Variants in METTL17 observed in about 807,000 individuals in gnomAD.
METTL17 encodes the protein methyltransferase like 17.
Under a neutral mutation model 59.4 loss-of-function variants are expected in METTL17, and 49 were observed. That is an observed-to-expected ratio of 0.82 (90% CI 0.66 to 1.05). The LOEUF (loss-of-function observed/expected upper bound fraction) is 1.05, where lower values mean the gene tolerates loss of function less well. METTL17 is among the 50% of genes least tolerant of loss of function. The pLI is 0.00. For missense variants in METTL17, 555 were observed against 578.4 expected (o/e 0.96, Z 0.41); for synonymous variants, 208 against 209.2 (o/e 0.99, Z 0.05).
At chr14:20,996,005 G>A (rs983277079) in intron 11 of METTL17, 54 bp downstream of exon 11, 70 of 1,584,778 alleles carry the variant, frequency 4.4e-5, no homozygotes, top group African/African-American at 1.9e-4. Flanking sequence ...AGGCGTGGCC[G>A]GGAAATGTAA....
Position 20,993,621 on chromosome 14 carries a change from CACG to C in METTL17, c.603-347_603-345del, listed in dbSNP as rs1449503919. 4.1e-5 allele frequency: 9 copies of C among 216,964 alleles called. No homozygotes were observed. In the East Asian group the frequency reaches 5.0e-4, roughly 12 times the overall value. 13.4% of individuals were successfully genotyped at this position (216,964 alleles called of 1,614,324 possible). A position where few individuals can be genotyped will look rare whatever the true frequency, so the allele number is the denominator to read the frequency against. On this transcript the variant is annotated intron_variant, in intron 6 of 13. Coordinates refer to ENST00000339374, the MANE Select transcript of METTL17 (RefSeq NM_022734.3). ...TCCCGAGTAGCTGGGACTACAGGTG[CACG>C]CCACCACACCCAGCTAATTTTTGTA...
rs777915495 is a variant in METTL17, at chr14:20,990,341, C to T, written c.187C>T (p.Leu63=). 3 of 1,614,240 alleles carry T rather than the reference C, an allele frequency of 1.9e-6. No individual in the cohort carries two copies. Among genetic ancestry groups the T allele is most frequent in the South Asian group, 2.2e-5 (2 of 91,090 alleles). The change falls in exon 2 of 14, where the codon CTG becomes TTG. Residue 63 remains leucine, a synonymous_variant. Coordinates refer to ENST00000339374, the MANE Select transcript of METTL17 (RefSeq NM_022734.3). The part of the protein sequence containing the change: ...PGILKLPHVR[L]PQALANGAQL... ...CATCCTAAAGCTGCCGCACGTGCGG[C>T]TGCCACAGGCACTGGCTAACGGTGC...
In METTL17 at chr14:20,996,797, T is replaced by C. The variant is rs1415900219; in HGVS notation, c.1278T>C (p.Arg426=). Residue 426 remains arginine (R), a synonymous_variant, in exon 14 of 14, where the codon CGT becomes CGC. Transcript: ENST00000339374. ...TARRHGRDLY[R]CARVSSWGDL... ...TCTGTTTCCACAGGGATTTGTATCG[T>C]TGTGCCCGTGTCAGCTCCTGGGGAG... 1 of 1,614,238 alleles carries C rather than the reference T, an allele frequency of 6.2e-7. No individual in the cohort carries two copies. The highest frequency in any genetic ancestry group is 1.7e-5 in the Admixed American group (1 of 60,032).
chr14:20,992,746 G>A (rs112574218), intron 5 of METTL17, 124 bp downstream of exon 5: 8 of 720,334 alleles, frequency 1.1e-5, no homozygotes, highest in Middle Eastern at 2.5e-4. Context: ...GAGGATCTCC[G>A]CTGGACATAG....
At chr14:20,996,129 T>C in intron 11 of METTL17, 80 bp from the exon 12 acceptor site, 1 of 1,403,186 alleles carries the variant, frequency 7.1e-7, no homozygotes, top group Non-Finnish European at 1.0e-6. Flanking sequence ...CCTGGCCCCT[T>C]TTGACTCTAT....
At position 20,990,054 on chromosome 14, in the gene METTL17, C is replaced by A; in HGVS notation, c.52C>A (p.Leu18Ile). ...LLTLGRWCPG[L>I]GVAPQARALA... is the part of the protein sequence containing the mutation. ...GACATTAGGAAGATGGTGCCCCGGC[C>A]TTGGAGTGGCTCCCCAGGCCCGGGT... Residue 18 changes from leucine (L) to isoleucine (I), a missense_variant, in exon 1 of 14, where the codon CTT (leucine) becomes ATT (isoleucine). Physicochemically the swap from Leu to Ile is conservative, Grantham distance 5. Coordinates refer to ENST00000339374, the MANE Select transcript of METTL17 (RefSeq NM_022734.3). 1 of 1,613,468 alleles carries A rather than the reference C, an allele frequency of 6.2e-7. No individual in the cohort carries two copies.
Position 20,994,052 on chromosome 14 carries a change from A to C in METTL17, c.686A>C (p.Lys229Thr), listed in dbSNP as rs1454605361. ...GCTGCCATGTTGGTTTTGGCAGAAAAACTACTGAAAGGTGAGTGCAAGAGC... is the reference window on the plus strand; with the variant it reads ...GCTGCCATGTTGGTTTTGGCAGAAACACTACTGAAAGGTGAGTGCAAGAGC... ...RSAAMLVLAEKLLKGGSESGE... is the reference protein window; with the variant it reads ...RSAAMLVLAETLLKGGSESGE... Residue 229 changes from lysine (K) to threonine (T), a missense_variant, in exon 7 of 14, where the codon AAA becomes ACA. Lys to Thr is a moderately conservative substitution (Grantham distance 78). Coordinates refer to ENST00000339374, the MANE Select transcript of METTL17 (RefSeq NM_022734.3). The C allele has an allele frequency of 2.0e-5, 33 of 1,613,608 alleles. No individual in the cohort carries two copies. Among genetic ancestry groups the C allele is most frequent in the Non-Finnish European group, 2.7e-5 (32 of 1,179,714 alleles).
chr14:20,991,315 A>G (rs1398223782), intron 3 of METTL17, among the ~76,000 whole-genome samples: 1 of 152,134 alleles, frequency 6.6e-6, no homozygotes, highest in Non-Finnish European at 1.5e-5. Context: ...GCTCCTTGAC[A>G]CTACCATTTA....
chr14:20,990,600 T>A lies in METTL17; in HGVS notation c.364+2T>A. ...AGAAAAAATTCCTGGAAAACCCAGGTAGGACTTAAGAATAATTAAAAAGTG... is the reference window on the plus strand; with the variant it reads ...AGAAAAAATTCCTGGAAAACCCAGGAAGGACTTAAGAATAATTAAAAAGTG... On this transcript the variant is annotated splice_donor_variant, in intron 3 of 13. Coordinates refer to ENST00000339374, the MANE Select transcript of METTL17 (RefSeq NM_022734.3). LOFTEE classifies it high-confidence loss of function. 1 of 1,613,986 alleles carries A rather than the reference T, an allele frequency of 6.2e-7. No individual in the cohort carries two copies. The highest frequency in any genetic ancestry group is 8.5e-7 in the Non-Finnish European group (1 of 1,179,974).
chr14:20,992,565 G>A lies in METTL17; in HGVS notation c.471G>A (p.Val157=), dbSNP rs777472227. The A allele has an allele frequency of 2.0e-5, 33 of 1,614,116 alleles. No homozygotes were observed. In the South Asian group the frequency reaches 3.3e-4, roughly 16 times the overall value. The change falls in exon 5 of 14, where the codon GTG becomes GTA. Residue 157 remains valine (V), a synonymous_variant. Coordinates refer to ENST00000339374, the MANE Select transcript of METTL17 (RefSeq NM_022734.3). ...ELSYTEGLSL[V]YMAARLDGGF... Reference sequence around the variant, plus strand: ...GCTACACTGAGGGACTGAGCCTGGTGTATATGGCAGCAAGACTGGATGGTG... The same window carrying A: ...GCTACACTGAGGGACTGAGCCTGGTATATATGGCAGCAAGACTGGATGGTG...
At chr14:20,993,072 A>G in intron 5 of METTL17, 46 bp from the exon 6 acceptor site, 2 of 1,535,566 alleles carry the variant, frequency 1.3e-6, no homozygotes, top group Non-Finnish European at 1.8e-6. Context: ...AAGGTCCTAA[A>G]TAAGTATCTA....
At chr14:20,993,688 T>TG (rs1880177422) in intron 6 of METTL17, 1 of 241,772 alleles carries the variant, frequency 4.1e-6, no homozygotes, top group South Asian at 7.0e-5. Flanking sequence ...TTGGCCAGGC[T>TG]GGTCTCTAAC....
chr14:20,992,546 C>G lies in METTL17; in HGVS notation c.452C>G (p.Thr151Ser). 1 of 1,613,306 alleles carries G rather than the reference C, an allele frequency of 6.2e-7. No homozygotes were observed. Among genetic ancestry groups the G allele is most frequent in the Non-Finnish European group, 8.5e-7 (1 of 1,179,272 alleles). Reference sequence around the variant, plus strand: ...CTCTGTGATTTTAATGGCAGCTACACTGAGGGACTGAGCCTGGTGTATATG... The same window carrying G: ...CTCTGTGATTTTAATGGCAGCTACAGTGAGGGACTGAGCCTGGTGTATATG... ...TTYHWQELSY[T>S]EGLSLVYMAA... The change falls in exon 5 of 14, where the codon ACT becomes AGT. Residue 151 changes from threonine to serine, a missense_variant. Transcript: ENST00000339374.
In METTL17 at chr14:20,990,387, A is replaced by C; in HGVS notation, c.229+4A>C. ...GGTGCCCAGTTATTGCTACTTGGTG[A>C]GTAACGGCGGGAAAGCGAGAAGAAA... On this transcript the variant is annotated splice_donor_region_variant and intron_variant, in intron 2 of 13. Coordinates refer to ENST00000339374, the MANE Select transcript of METTL17 (RefSeq NM_022734.3). 1 of 1,613,802 alleles carries C rather than the reference A, an allele frequency of 6.2e-7. No homozygotes were observed. Among genetic ancestry groups the C allele is most frequent in the Non-Finnish European group, 8.5e-7 (1 of 1,179,750 alleles).
At chr14:20,994,386 G>A (rs1880234429) in intron 7 of METTL17, among the ~76,000 whole-genome samples, 157 bp from the exon 8 acceptor site, 1 of 151,838 alleles carries the variant, frequency 6.6e-6, no homozygotes, top group Non-Finnish European at 1.5e-5. Context: ...CTCTAGGGTA[G>A]CTGGGATTAC....
chr14:20,995,383 A>C, intron 10 of METTL17, 150 bp downstream of exon 10: 3 of 694,378 alleles, frequency 4.3e-6, no homozygotes, highest in Non-Finnish European at 7.6e-6. Flanking sequence ...AGTGGTTGGC[A>C]AATGAGAGCC....
chr14:20,995,562 C>CT (rs1880320907), intron 10 of METTL17, among the ~76,000 whole-genome samples: 1 of 152,190 alleles, frequency 6.6e-6, no homozygotes, highest in Non-Finnish European at 1.5e-5. Flanking sequence ...GACTCCTAAT[C>CT]TAGGGCATTG....
chr14:20,990,513 T>C lies in METTL17; in HGVS notation c.279T>C (p.Tyr93=), dbSNP rs748313001. The change falls in exon 3 of 14, where the codon TAT becomes TAC. Residue 93 remains tyrosine (Y), a synonymous_variant. Coordinates refer to ENST00000339374, the MANE Select transcript of METTL17 (RefSeq NM_022734.3). ...MENQVQTLTS[Y]LWSRHLPVEP... ...ATCAGGTGCAAACACTGACCAGTTA[T>C]CTCTGGAGCAGACATTTGCCTGTAG... The C allele has an allele frequency of 2.5e-6, 4 of 1,614,230 alleles. No homozygotes were observed. Among genetic ancestry groups the C allele is most frequent in the Non-Finnish European group, 2.5e-6 (3 of 1,180,052 alleles).
intron 3 of METTL17, among the ~76,000 whole-genome samples, chr14:20,990,891 C>A (rs368622745): frequency 3.9e-5 from 6 of 152,024 alleles, no homozygotes; most frequent in East Asian, 1.9e-4. Flanking sequence ...AAGTGTAATG[C>A]TCGATCTCGG....
Sources: allele counts gnomAD v4.1 joint callset (sites outside exome capture counted in the v4.1 genomes callset), GRCh38; gene constraint gnomAD v4.1.1; transcripts MANE v1.5; gene names NCBI Gene and HGNC (gene_info 2026-07-23, HGNC 2026-07-21).